IQUB: variants seen among roughly 807,000 people sequenced by gnomAD.
IQUB encodes IQ motif and ubiquitin-like domain-containing protein.
In IQUB, 86 loss-of-function variants were observed where a neutral mutation model predicts 86.4. The observed-to-expected ratio is 1.00, with a 90% CI of 0.84 to 1.19. The LOEUF is 1.19. IQUB is among the 50% of genes most tolerant of loss of function. The pLI is 0.00. For missense variants in IQUB, 946 were observed against 916.9 expected (o/e 1.03, Z -0.41); for synonymous variants, 289 against 304.5 (o/e 0.95, Z 0.53).
At chr7:123,528,521 C>T (rs575800035) in intron 1 of IQUB, among the ~76,000 whole-genome samples, 1 of 152,302 alleles carries the variant, frequency 6.6e-6, no homozygotes, top group Non-Finnish European at 1.5e-5. Context: ...CAAATCCAGG[C>T]AGTCTGGATC....
Position 123,528,835 on chromosome 7 carries a change from C to T in IQUB, c.-5+5657G>A, listed in dbSNP as rs146166411. Among the ~76,000 whole-genome samples, 192 of 152,080 alleles carry T rather than the reference C, an allele frequency of 1.3e-3. 1 individual carries two copies. Among genetic ancestry groups the T allele is most frequent in the African/African-American group, 4.3e-3 (177 of 41,464 alleles). On this transcript the variant is annotated intron_variant, in intron 1 of 12. Coordinates refer to ENST00000324698, the MANE Select transcript of IQUB (RefSeq NM_178827.5). ...AATATTCAGCAGATTTTTTTTCACCCATCTAGAACAAGGAGCTAATTTTAT... is the reference window on the plus strand; with the variant it reads ...AATATTCAGCAGATTTTTTTTCACCTATCTAGAACAAGGAGCTAATTTTAT...
intron 12 of IQUB, chr7:123,457,135 A>AACTT (rs1793734376): frequency 1.0e-6 from 1 of 968,476 alleles, no homozygotes; most frequent in Non-Finnish European, 1.2e-6. Context: ...AATGTGCTTA[A>AACTT]ACTTACTATT....
chr7:123,528,616 T>C (rs1359539778), intron 1 of IQUB, among the ~76,000 whole-genome samples: 2 of 151,846 alleles, frequency 1.3e-5, no homozygotes, highest in Non-Finnish European at 2.9e-5. Context: ...AGAAAAGGGG[T>C]CCTGGTGATG....
intron 1 of IQUB, among the ~76,000 whole-genome samples, chr7:123,526,520 C>A (rs1007076584): frequency 2.0e-5 from 3 of 151,942 alleles, no homozygotes; most frequent in South Asian, 4.2e-4. Flanking sequence ...AGGATTGCAA[C>A]CCCTGCCTTT....
At chr7:123,469,523 A>C in intron 8 of IQUB, 139 bp from the exon 9 acceptor site, 1 of 464,144 alleles carries the variant, frequency 2.2e-6, no homozygotes. Context: ...AAATTAATTT[A>C]AGAATTTGCA....
At chr7:123,486,934 C>A (rs917374360) in intron 7 of IQUB, among the ~76,000 whole-genome samples, 2 of 152,122 alleles carry the variant, frequency 1.3e-5, no homozygotes, top group Admixed American at 6.5e-5. Flanking sequence ...TGCAGCATCA[C>A]CTTGCCCAAG....
intron 1 of IQUB, chr7:123,532,356 G>C (rs1349857444): frequency 1.3e-5 from 2 of 152,068 alleles, no homozygotes; most frequent in Non-Finnish European, 2.9e-5. Context: ...GGAAAGCTTT[G>C]TCTTCACCTT....
At chr7:123,491,795 A>G (rs879313413) in intron 7 of IQUB, among the ~76,000 whole-genome samples, 3 of 152,192 alleles carry the variant, frequency 2.0e-5, no homozygotes, top group Non-Finnish European at 2.9e-5. Flanking sequence ...GTTTTAGAAA[A>G]TTGAAGAGCA....
At chr7:123,524,129 A>C (rs1460699588) in intron 1 of IQUB, among the ~76,000 whole-genome samples, 1 of 147,548 alleles carries the variant, frequency 6.8e-6, no homozygotes, top group African/African-American at 2.5e-5. Context: ...GTTTGAAGTC[A>C]GGTAGTGTGA....
Position 123,480,031 on chromosome 7 carries a change from C to A in IQUB, c.1235-61G>T, listed in dbSNP as rs972321448. On this transcript the variant is annotated intron_variant, in intron 7 of 12. Coordinates refer to ENST00000324698, the MANE Select transcript of IQUB (RefSeq NM_178827.5). ...AAAATCCCATCTTGAATGATCACAT[C>A]CTGATGAGGAGTATTTTATTTTTAC... is the stretch of plus-strand genomic sequence containing the variant. 2.8e-5 allele frequency: 35 copies of A among 1,230,260 alleles called. 1 individual carries two copies. Among genetic ancestry groups the A allele is most frequent in the Admixed American group, 7.4e-5 (3 of 40,576 alleles). 76.2% of individuals were successfully genotyped at this position (1,230,260 alleles called of 1,614,324 possible). A position where few individuals can be genotyped will look rare whatever the true frequency, so the allele number is the denominator to read the frequency against.
At chr7:123,461,069 T>C (rs1486068910) in intron 11 of IQUB, among the ~76,000 whole-genome samples, 3 of 151,848 alleles carry the variant, frequency 2.0e-5, no homozygotes, top group Admixed American at 6.6e-5. Flanking sequence ...ATTACTGTTA[T>C]TCGTAAACAC....
At chr7:123,484,344 T>C (rs898669393) in intron 7 of IQUB, among the ~76,000 whole-genome samples, 8 of 152,062 alleles carry the variant, frequency 5.3e-5, no homozygotes, top group African/African-American at 1.9e-4. Flanking sequence ...CTTTAAGAAC[T>C]ATGATAAAAT....
intron 6 of IQUB, among the ~76,000 whole-genome samples, chr7:123,498,519 T>C (rs35876256): frequency 0.46 from 70,135 of 151,974 alleles, 16,269 homozygotes; most frequent in Middle Eastern, 0.55. Flanking sequence ...TGGATTAGCC[T>C]GAGTGCTATT....
chr7:123,503,832 A>G (rs1419131436), intron 3 of IQUB, among the ~76,000 whole-genome samples: 3 of 152,040 alleles, frequency 2.0e-5, no homozygotes, highest in Admixed American at 1.3e-4. Flanking sequence ...AAAAAACTCC[A>G]TAATAGGAAG....
At chr7:123,519,335 A>C (rs925832213) in intron 1 of IQUB, among the ~76,000 whole-genome samples, 1 of 152,236 alleles carries the variant, frequency 6.6e-6, no homozygotes, top group African/African-American at 2.4e-5. Context: ...GGAAATCAGC[A>C]TATTGAAGAG....
chr7:123,475,879 T>C (rs1331856072), intron 8 of IQUB, among the ~76,000 whole-genome samples: 1 of 152,150 alleles, frequency 6.6e-6, no homozygotes, highest in Non-Finnish European at 1.5e-5. Context: ...AACAAATAGG[T>C]TTATTTCAAA....
At chr7:123,518,391 C>T (rs1796745571) in intron 1 of IQUB, among the ~76,000 whole-genome samples, 1 of 152,148 alleles carries the variant, frequency 6.6e-6, no homozygotes, top group African/African-American at 2.4e-5. Flanking sequence ...TCATGCCATG[C>T]CCCTCTCATA....
At chr7:123,454,921 T>C (rs887039966) in intron 12 of IQUB, among the ~76,000 whole-genome samples, 34 of 152,070 alleles carry the variant, frequency 2.2e-4, no homozygotes, top group African/African-American at 7.7e-4. Context: ...TTCTCTACTG[T>C]AAAGGTCCTC....
intron 1 of IQUB, among the ~76,000 whole-genome samples, chr7:123,512,887 G>A (rs944724180): frequency 6.6e-6 from 1 of 152,114 alleles, no homozygotes; most frequent in Non-Finnish European, 1.5e-5. Context: ...TAGACCCACA[G>A]CTATAGCAAC....
Sources: allele counts gnomAD v4.1 joint callset (sites outside exome capture counted in the v4.1 genomes callset), GRCh38; gene constraint gnomAD v4.1.1; transcripts MANE v1.5; gene names NCBI Gene and HGNC (gene_info 2026-07-23, HGNC 2026-07-21).